The following TTF1 variants were observed in gnomAD, a reference collection of about 807,000 sequenced individuals.
TTF1 encodes the protein transcription termination factor 1.
A neutral mutation model predicts 80.2 loss-of-function variants in TTF1; 64 were observed. The observed-to-expected ratio is 0.80, with a 90% CI of 0.65 to 0.98. The LOEUF (loss-of-function observed/expected upper bound fraction) is 0.98, where lower values mean the gene tolerates loss of function less well. Ranked by LOEUF, TTF1 falls within the 50% of genes least tolerant of loss-of-function variation. The probability of loss-of-function intolerance (pLI) is 0.00; values close to 1 mark genes in which losing one functional copy is unlikely to be tolerated. For missense variants in TTF1, 1,023 were observed against 1,086.2 expected, an observed-to-expected ratio of 0.94 and a Z score of 0.82; for synonymous variants, 372 against 382.7, an observed-to-expected ratio of 0.97 and a Z score of 0.33.
chr9:132,402,667 C>T lies in TTF1; in HGVS notation c.155G>A (p.Arg52Lys). Residue 52 changes from arginine (R) to lysine (K), a missense_variant, in exon 2 of 11, where the codon AGG becomes AAG. Physicochemically the swap from Arg to Lys is conservative, Grantham distance 26. Coordinates refer to ENST00000334270, the MANE Select transcript of TTF1 (RefSeq NM_007344.4). Reference sequence around the variant, plus strand: ...CTGGAAATCTTTTTTCCTCTTTTTCCTCCTAGTTATTTGAGACTGTTCATT... The same window carrying T: ...CTGGAAATCTTTTTTCCTCTTTTTCTTCCTAGTTATTTGAGACTGTTCATT... Reference protein sequence around the residue: ...LVNEQSQITRRKKRKKDFQHL... With the variant: ...LVNEQSQITRKKKRKKDFQHL... 6.2e-7 allele frequency: 1 copy of T among 1,613,196 alleles called. No individual in the cohort carries two copies.
rs1368530700 is a variant in TTF1 at position 132,379,154 on chromosome 9, A to C, written c.2379-10T>G. 1 of 1,589,526 alleles carries C rather than the reference A, an allele frequency of 6.3e-7. No homozygotes were observed. On this transcript the variant is annotated splice_polypyrimidine_tract_variant and intron_variant, in intron 9 of 10. Transcript: ENST00000334270. ...AGATGGAGGAACATCACTTTAGAAA[A>C]GGAAAGAAAAGATAAAAAGCAAGTT...
intron 3 of TTF1, 84 bp from the exon 4 acceptor site, chr9:132,398,410 T>C: frequency 7.2e-7 from 1 of 1,396,008 alleles, no homozygotes; most frequent in East Asian, 2.4e-5. Context: ...TCATCAGCAA[T>C]GACAGTACCT....
chr9:132,377,597 GGTGTGT>G (rs1191202134), intron 10 of TTF1, among the ~76,000 whole-genome samples: 1,941 of 75,536 alleles, frequency 0.026, 191 homozygotes, highest in Non-Finnish European at 0.037. Flanking sequence ...GAGTGCATGT[GGTGTGT>G]GTGTGAATGC....
intron 9 of TTF1, among the ~76,000 whole-genome samples, chr9:132,385,646 T>C (rs1849452693): frequency 6.6e-6 from 1 of 152,194 alleles, no homozygotes; most frequent in Admixed American, 6.5e-5. Flanking sequence ...TTCCATAGTC[T>C]TCCCTAACCA....
intron 10 of TTF1, among the ~76,000 whole-genome samples, chr9:132,376,878 G>A (rs930049017): frequency 1.3e-5 from 2 of 151,932 alleles, no homozygotes; most frequent in African/African-American, 4.8e-5. Flanking sequence ...ATAGGTGTGT[G>A]TGTGTGGGAG....
chr9:132,401,938 T>G lies in TTF1; in HGVS notation c.884A>C (p.Glu295Ala), dbSNP rs754325015. The G allele has an allele frequency of 6.2e-7, 1 of 1,611,292 alleles. No homozygotes were observed. Among genetic ancestry groups the G allele is most frequent in the Non-Finnish European group, 8.5e-7 (1 of 1,178,842 alleles). ...AACCTCACTGCCCACTTGTGATCCTTCAGGCATGGCCAATGCCTCAAATTC... is the reference window on the plus strand; with the variant it reads ...AACCTCACTGCCCACTTGTGATCCTGCAGGCATGGCCAATGCCTCAAATTC... ...HQEFEALAMP[E>A]GSQVGSEVGA... Residue 295 changes from glutamate to alanine, a missense_variant, in exon 2 of 11, where the codon GAA (glutamate) becomes GCA (alanine). By Grantham distance (107) the Glu-to-Ala change is moderately radical (BLOSUM62 -1). Coordinates refer to ENST00000334270, the MANE Select transcript of TTF1 (RefSeq NM_007344.4).
At chr9:132,379,352 G>A in intron 9 of TTF1, 2 of 456,868 alleles carry the variant, frequency 4.4e-6, no homozygotes, top group Admixed American at 4.1e-5. Flanking sequence ...AATGTAAAGG[G>A]GAAAAAGAAT....
chr9:132,396,344 T>C lies in TTF1; in HGVS notation c.1856+89A>G, dbSNP rs868108518. Reference sequence around the variant, plus strand: ...ACACACAAATCTGCGTTATCTTTACTGCTAATCCACTGCTGTGAATATTTT... The same window carrying C: ...ACACACAAATCTGCGTTATCTTTACCGCTAATCCACTGCTGTGAATATTTT... On this transcript the variant is annotated intron_variant, in intron 5 of 10. Transcript: ENST00000334270. The C allele has an allele frequency of 1.7e-4, 221 of 1,321,640 alleles. 2 individuals are homozygous for C. In the South Asian group the frequency reaches 2.3e-3, roughly 14 times the overall value. The allele number at this position is 1,321,640 out of a possible 1,614,324, so 81.9% of individuals were successfully genotyped here. A position where few individuals can be genotyped will look rare whatever the true frequency, so the allele number is the denominator to read the frequency against.
chr9:132,390,012 G>A (rs954487169), intron 7 of TTF1, among the ~76,000 whole-genome samples: 3 of 152,244 alleles, frequency 2.0e-5, no homozygotes, highest in Admixed American at 1.3e-4. Flanking sequence ...GCCTCGCTCT[G>A]TTGCCCAGGC....
intron 10 of TTF1, among the ~76,000 whole-genome samples, chr9:132,376,662 CTTT>C (rs530150374): frequency 1.5e-4 from 20 of 136,494 alleles, no homozygotes; most frequent in Non-Finnish European, 1.1e-4. Flanking sequence ...AATCTGTATC[CTTT>C]TTTTTTTTTT....
intron 5 of TTF1, among the ~76,000 whole-genome samples, chr9:132,392,757 G>A (rs977112416): frequency 1.3e-5 from 2 of 152,046 alleles, no homozygotes; most frequent in Non-Finnish European, 2.9e-5. Flanking sequence ...AGTAGTCATA[G>A]GAAAACTCAC....
chr9:132,404,916 T>C (rs1395946759), intron 1 of TTF1, among the ~76,000 whole-genome samples: 1 of 152,136 alleles, frequency 6.6e-6, no homozygotes, highest in Admixed American at 6.5e-5. Context: ...GACGGAGTCT[T>C]GCTCTGTCGC....
rs748462533 is a variant in TTF1 at position 132,401,713 on chromosome 9, ACAGTCCCAACCT to A, written c.1097_1108del (p.Glu366_Thr369del). 2.9e-5 allele frequency: 47 copies of A among 1,614,218 alleles called. No individual in the cohort carries two copies. Among genetic ancestry groups the A allele is most frequent in the Non-Finnish European group, 3.8e-5 (45 of 1,180,042 alleles). Reference sequence around the variant, plus strand: ...CCCTTTAAGAGCTGTACTGCCTTCCACAGTCCCAACCTCACTGCCCACCTGTGATCCTTCAGG... The same window carrying A: ...CCCTTTAAGAGCTGTACTGCCTTCCACACTGCCCACCTGTGATCCTTCAGG... On this transcript the variant is annotated inframe_deletion, in exon 2 of 11. Transcript: ENST00000334270.
At chr9:132,391,989 T>C in intron 6 of TTF1, 87 bp downstream of exon 6, 1 of 1,582,166 alleles carries the variant, frequency 6.3e-7, no homozygotes, top group Non-Finnish European at 8.6e-7. Context: ...TCTACGGTGA[T>C]TTCCGGGCAT....
chr9:132,405,977 T>C (rs1849858868), intron 1 of TTF1, among the ~76,000 whole-genome samples: 1 of 152,210 alleles, frequency 6.6e-6, no homozygotes, highest in Admixed American at 6.5e-5. Flanking sequence ...ATCTTTCTGG[T>C]TAACAGTGTT....
intron 10 of TTF1, among the ~76,000 whole-genome samples, chr9:132,378,582 TGTGTGAATGCATG>T (rs1564182344): frequency 7.9e-5 from 10 of 125,986 alleles, no homozygotes; most frequent in African/African-American, 2.9e-4. Flanking sequence ...GTGCATGTGG[TGTGTGAATGCATG>T]TGGTGTGAGT....
chr9:132,393,639 G>A (rs1849598888), intron 5 of TTF1, among the ~76,000 whole-genome samples: 2 of 152,182 alleles, frequency 1.3e-5, no homozygotes, highest in South Asian at 4.1e-4. Context: ...AGCTCTGAAG[G>A]CTGTGAGACC....
chr9:132,388,009 A>G lies in TTF1; in HGVS notation c.2312+130T>C, dbSNP rs114771225. On this transcript the variant is annotated intron_variant, in intron 8 of 10. Coordinates refer to ENST00000334270, the MANE Select transcript of TTF1 (RefSeq NM_007344.4). ...TTAGAAGGGTAGGTCATATGCCCAC[A>G]ATACATGCGGAAAGTGCTGGAACAG... 2,420 of 627,740 alleles carry G rather than the reference A, an allele frequency of 3.9e-3. 42 individuals are homozygous for G. In the African/African-American group the frequency reaches 0.039, roughly 10 times the overall value. 38.9% of individuals were successfully genotyped at this position (627,740 alleles called of 1,614,324 possible).
Position 132,393,276 on chromosome 9 carries a change from C to G in TTF1, c.1857-1070G>C, listed in dbSNP as rs555067483. Among the ~76,000 whole-genome samples, 14 of 152,068 alleles carry G rather than the reference C, an allele frequency of 9.2e-5. No individual in the cohort carries two copies. In the East Asian group the frequency reaches 1.2e-3, roughly 13 times the overall value. On this transcript the variant is annotated intron_variant, in intron 5 of 10. Transcript: ENST00000334270. ...AATACATGTTGGGAGCAAGCCCCCC[C>G]CGCAAACTGGCCATAAACAGAATCT...
Sources: gnomAD v4.1 joint callset for allele counts (sites outside exome capture counted in the v4.1 genomes callset) on GRCh38, gnomAD v4.1.1 for gene constraint, MANE v1.5 for transcripts, NCBI Gene and HGNC (gene_info 2026-07-23, HGNC 2026-07-21) for gene names.